The following GDI2 variants were observed in gnomAD, a reference collection of about 807,000 sequenced individuals.
GDI2 encodes the protein GDP dissociation inhibitor 2, also known as rab GDP dissociation inhibitor beta.
Under a neutral mutation model 54.2 loss-of-function variants are expected in GDI2, and 22 were observed. That is an observed-to-expected ratio of 0.41 (90% CI 0.29 to 0.58). The LOEUF is 0.58. Among genes scored for constraint, GDI2 ranks in the 20% least tolerant of loss-of-function variants. The pLI, the probability that GDI2 is intolerant of heterozygous loss-of-function variation, is 0.35. For missense variants in GDI2, 422 were observed against 546.0 expected, an observed-to-expected ratio of 0.77 and a Z score of 2.26; for synonymous variants, 177 against 182.1, an observed-to-expected ratio of 0.97 and a Z score of 0.23.
chr10:5,809,994 T>C (rs532294867), intron 1 of GDI2, among the ~76,000 whole-genome samples: 20 of 152,222 alleles, frequency 1.3e-4, no homozygotes, highest in Non-Finnish European at 2.4e-4. Flanking sequence ...ACTACTGTAG[T>C]GAATAGAAAG....
At chr10:5,796,025 T>C (rs1191092221) in intron 3 of GDI2, among the ~76,000 whole-genome samples, 1 of 152,074 alleles carries the variant, frequency 6.6e-6, no homozygotes, top group Non-Finnish European at 1.5e-5. Context: ...TAACCAAAAA[T>C]TTAGTTTTTC....
chr10:5,786,109 A>C (rs886981070), intron 4 of GDI2, 59 bp from the exon 5 acceptor site: 1 of 1,091,606 alleles, frequency 9.2e-7, no homozygotes, highest in Non-Finnish European at 1.4e-6. Flanking sequence ...AGGAGAACGA[A>C]GTATGAGAGC....
intron 6 of GDI2, among the ~76,000 whole-genome samples, chr10:5,777,415 G>GT (rs1216115865): frequency 6.6e-6 from 1 of 152,214 alleles, no homozygotes; most frequent in African/African-American, 2.4e-5. Flanking sequence ...GGAGGCTGCA[G>GT]TGAGCCAAGA....
chr10:5,772,453 C>A (rs559361348), intron 7 of GDI2, among the ~76,000 whole-genome samples: 17 of 152,144 alleles, frequency 1.1e-4, no homozygotes, highest in Non-Finnish European at 1.5e-4. Flanking sequence ...TTCAAAAGAC[C>A]CAATTAAGTA....
rs59686031 is a variant in GDI2 at position 5,770,963 on chromosome 10, C to CAAAAAAA, written c.820-2586_820-2580dup. ...CCTGGGCAACAAAGTGAGACTGTCT[C>CAAAAAAA]AAAAAAAAAAAAAAAAAAAAAAAAG... On this transcript the variant is annotated intron_variant, in intron 7 of 10. Transcript: ENST00000380191. Among the ~76,000 whole-genome samples the CAAAAAAA allele has an allele frequency of 2.4e-4, 11 of 46,390 alleles. No individual in the cohort carries two copies. In the East Asian group the frequency reaches 6.0e-3, roughly 25 times the overall value. The allele number at this position is 46,390 out of a possible 152,430, so 30.4% of individuals were successfully genotyped here. A position where few individuals can be genotyped will look rare whatever the true frequency, so the allele number is the denominator to read the frequency against.
intron 4 of GDI2, among the ~76,000 whole-genome samples, chr10:5,792,575 A>AT (rs965419142): frequency 8.5e-5 from 13 of 152,168 alleles, no homozygotes; most frequent in African/African-American, 3.1e-4. Flanking sequence ...TAAGGTAGTG[A>AT]TTTGGTCAAA....
chr10:5,789,377 G>C lies in GDI2; in HGVS notation c.389-3327C>G, dbSNP rs150136688. 1.5e-4 allele frequency among the ~76,000 whole-genome samples: 23 copies of C among 152,238 alleles called. No individual in the cohort carries two copies. The East Asian group carries it at 4.4e-3, about 29-fold the overall frequency. On this transcript the variant is annotated intron_variant, in intron 4 of 10. Transcript: ENST00000380191. Reference sequence around the variant, plus strand: ...AACCTCCCAAAGTGCTAGGATTACAGCCATGAGCCACAGTAGCCGGCCAAA... The same window carrying C: ...AACCTCCCAAAGTGCTAGGATTACACCCATGAGCCACAGTAGCCGGCCAAA...
At chr10:5,795,459 C>G (rs181162508) in intron 3 of GDI2, among the ~76,000 whole-genome samples, 1 of 152,140 alleles carries the variant, frequency 6.6e-6, no homozygotes, top group Non-Finnish European at 1.5e-5. Flanking sequence ...ATAGGACAAC[C>G]AGAATGCAAA....
intron 4 of GDI2, among the ~76,000 whole-genome samples, chr10:5,791,017 C>T (rs909427048): frequency 2.0e-5 from 3 of 152,066 alleles, no homozygotes; most frequent in Non-Finnish European, 4.4e-5. Context: ...AATTATACCA[C>T]TATAGGCATG....
chr10:5,771,751 C>CAAAAG (rs566265290), intron 7 of GDI2, among the ~76,000 whole-genome samples: 5 of 152,176 alleles, frequency 3.3e-5, no homozygotes, highest in African/African-American at 1.2e-4. Flanking sequence ...AAGAATGAAA[C>CAAAAG]AAAAGAAAAA....
chr10:5,775,534 T>A (rs1019577875), intron 6 of GDI2, among the ~76,000 whole-genome samples: 1 of 152,080 alleles, frequency 6.6e-6, no homozygotes, highest in African/African-American at 2.4e-5. Flanking sequence ...CCAGAGGAGA[T>A]GAAAATTGTA....
chr10:5,808,545 G>A (rs917211412), intron 1 of GDI2, among the ~76,000 whole-genome samples: 1 of 151,662 alleles, frequency 6.6e-6, no homozygotes, highest in Non-Finnish European at 1.5e-5. Flanking sequence ...GCGTGGTGGT[G>A]AGCACCTGTA....
chr10:5,781,263 T>C (rs911115713), intron 6 of GDI2, among the ~76,000 whole-genome samples: 13 of 132,402 alleles, frequency 9.8e-5, no homozygotes, highest in African/African-American at 3.3e-4. Context: ...GATAAAATTA[T>C]AAAACTTCTA....
chr10:5,792,483 C>T (rs1841039682), intron 4 of GDI2, among the ~76,000 whole-genome samples: 1 of 152,120 alleles, frequency 6.6e-6, no homozygotes, highest in Non-Finnish European at 1.5e-5. Context: ...TTTCCTTACC[C>T]CATTCCTTCA....
At chr10:5,793,980 A>G (rs1841073501) in intron 4 of GDI2, among the ~76,000 whole-genome samples, 1 of 151,536 alleles carries the variant, frequency 6.6e-6, no homozygotes, top group Non-Finnish European at 1.5e-5. Flanking sequence ...CCTGGCCAAC[A>G]TGGTGAAACA....
chr10:5,790,653 CA>C (rs200043109), intron 4 of GDI2, among the ~76,000 whole-genome samples: 5 of 150,248 alleles, frequency 3.3e-5, no homozygotes, highest in Admixed American at 2.0e-4. Flanking sequence ...TCTCAAAAAA[CA>C]AAAAAAAATC....
rs773675867 is a variant in GDI2, at chr10:5,796,714, A to G, written c.253+49T>C. The G allele has an allele frequency of 4.3e-6, 4 of 920,314 alleles. No homozygotes were observed. In the South Asian group the frequency reaches 5.3e-5, roughly 12 times the overall value. The allele number at this position is 920,314 out of a possible 1,614,324, so 57.0% of individuals were successfully genotyped here. A position where few individuals can be genotyped will look rare whatever the true frequency, so the allele number is the denominator to read the frequency against. ...TCTGTCAAAAGTTAGTTTTGATATT[A>G]AAATTGTAATCAAAGTACTGTCATA... On this transcript the variant is annotated intron_variant, in intron 3 of 10. Coordinates refer to ENST00000380191, the MANE Select transcript of GDI2 (RefSeq NM_001494.4).
intron 1 of GDI2, among the ~76,000 whole-genome samples, chr10:5,807,425 C>A (rs1329719228): frequency 6.6e-6 from 1 of 152,150 alleles, no homozygotes; most frequent in African/African-American, 2.4e-5. Context: ...ACTTTAACCA[C>A]GAAACTTGTA....
intron 1 of GDI2, among the ~76,000 whole-genome samples, chr10:5,800,928 C>T (rs892483663): frequency 2.0e-5 from 3 of 151,810 alleles, no homozygotes; most frequent in Admixed American, 2.0e-4. Flanking sequence ...AACACTAAGA[C>T]ATTAGTCACC....
Sources: allele counts gnomAD v4.1 joint callset (sites outside exome capture counted in the v4.1 genomes callset), GRCh38; gene constraint gnomAD v4.1.1; transcripts MANE v1.5; gene names NCBI Gene and HGNC (gene_info 2026-07-23, HGNC 2026-07-21).